SLC22A3: variants seen among roughly 807,000 people sequenced by gnomAD.
The protein encoded by SLC22A3 is EMT organic cation transporter 3.
SLC22A3 carries 51 observed loss-of-function variants against 59.1 expected under a neutral mutation model. That is an observed-to-expected ratio of 0.86 (90% CI 0.69 to 1.09). The LOEUF (loss-of-function observed/expected upper bound fraction) is 1.09. Among genes scored for constraint, SLC22A3 ranks in the 50% least tolerant of loss-of-function variants. The pLI, the probability that SLC22A3 is intolerant of heterozygous loss-of-function variation, is 0.00. For synonymous variants in SLC22A3, 325 were observed against 292.0 expected, an observed-to-expected ratio of 1.11 and a Z score of -1.15; for missense variants, 711 against 726.3, an observed-to-expected ratio of 0.98 and a Z score of 0.24.
chr6:160,394,753 G>T (rs1230049133), intron 1 of SLC22A3, among the ~76,000 whole-genome samples: 1 of 152,210 alleles, frequency 6.6e-6, no homozygotes, highest in Non-Finnish European at 1.5e-5. Flanking sequence ...AGAGGACAGG[G>T]GTCAGGAAGG....
rs148162475 is a variant in SLC22A3, at chr6:160,450,123, G to A, written c.1611-873G>A. Among the ~76,000 whole-genome samples, 46 of 152,280 alleles carry A rather than the reference G, an allele frequency of 3.0e-4. 1 individual carries two copies. Among genetic ancestry groups the A allele is most frequent in the African/African-American group, 9.6e-4 (40 of 41,544 alleles). ...GGTCTGACCTCAAATTTACCAGGGC[G>A]GGGTTTCCCAATCCTAGTAAGCCTG... On this transcript the variant is annotated intron_variant, in intron 10 of 10. Coordinates refer to ENST00000275300, the MANE Select transcript of SLC22A3 (RefSeq NM_021977.4).
chr6:160,354,337 A>G (rs1784758159), intron 1 of SLC22A3, among the ~76,000 whole-genome samples: 1 of 152,208 alleles, frequency 6.6e-6, no homozygotes, highest in South Asian at 2.1e-4. Flanking sequence ...TGCCTTAGCA[A>G]TTGGCTTGAC....
chr6:160,368,001 T>C (rs1326365057), intron 1 of SLC22A3, among the ~76,000 whole-genome samples: 1 of 152,060 alleles, frequency 6.6e-6, no homozygotes, highest in Non-Finnish European at 1.5e-5. Context: ...AGAGCACTGC[T>C]GGAGACACCA....
intron 7 of SLC22A3, among the ~76,000 whole-genome samples, chr6:160,440,492 A>C (rs567452765): frequency 6.6e-6 from 1 of 152,270 alleles, no homozygotes; most frequent in East Asian, 1.9e-4. Context: ...AGCTTGACCA[A>C]ATCCACATTC....
intron 5 of SLC22A3, among the ~76,000 whole-genome samples, chr6:160,417,672 A>G (rs1787557263): frequency 1.3e-5 from 2 of 152,208 alleles, no homozygotes; most frequent in African/African-American, 4.8e-5. Context: ...CTTTGGCCTC[A>G]TGATAGGTGC....
At chr6:160,396,021 G>A (rs759817506) in intron 1 of SLC22A3, among the ~76,000 whole-genome samples, 4 of 152,094 alleles carry the variant, frequency 2.6e-5, no homozygotes, top group Non-Finnish European at 4.4e-5. Flanking sequence ...AGGAATTGTC[G>A]GCCTGGATAA....
At chr6:160,437,314 A>G in intron 7 of SLC22A3, 103 bp downstream of exon 7, 1 of 1,182,980 alleles carries the variant, frequency 8.5e-7, no homozygotes, top group South Asian at 1.2e-5. Context: ...GTGCAATGGA[A>G]TCACAGTCTT....
chr6:160,351,195 A>C lies in SLC22A3; in HGVS notation c.429+2347A>C, dbSNP rs568861956. Reference sequence around the variant, plus strand: ...CAGTGGCGTGATCTCGGCTTACTGCAAGCTCCGCCTCCCAGGTTCCTGCCA... The same window carrying C: ...CAGTGGCGTGATCTCGGCTTACTGCCAGCTCCGCCTCCCAGGTTCCTGCCA... On this transcript the variant is annotated intron_variant, in intron 1 of 10. Transcript: ENST00000275300. Among the ~76,000 whole-genome samples, 5 of 152,264 alleles carry C rather than the reference A, an allele frequency of 3.3e-5. No individual in the cohort carries two copies. The South Asian group carries it at 1.0e-3, about 32-fold the overall frequency.
At chr6:160,361,525 G>T (rs1018961218) in intron 1 of SLC22A3, among the ~76,000 whole-genome samples, 3 of 152,148 alleles carry the variant, frequency 2.0e-5, no homozygotes, top group African/African-American at 7.2e-5. Context: ...GAAGCCAAAG[G>T]CTTCAATAAT....
At chr6:160,433,515 T>TCTACTGCTACTACTACTA (rs1554274053) in intron 5 of SLC22A3, among the ~76,000 whole-genome samples, 1 of 146,870 alleles carries the variant, frequency 6.8e-6, no homozygotes, top group African/African-American at 2.5e-5. Flanking sequence ...AGACCCTGTC[T>TCTACTGCTACTACTACTA]CTACTACTAC....
Position 160,451,647 on chromosome 6 carries a change from G to C in SLC22A3, c.*591G>C, listed in dbSNP as rs968949943. The C allele has an allele frequency of 6.5e-6, 1 of 154,550 alleles. No individual in the cohort carries two copies. Among genetic ancestry groups the C allele is most frequent in the African/African-American group, 2.4e-5 (1 of 41,474 alleles). 9.6% of individuals were successfully genotyped at this position (154,550 alleles called of 1,614,324 possible). A position where few individuals can be genotyped will look rare whatever the true frequency, so the allele number is the denominator to read the frequency against. ...ACACCTTCGCAATGTGAACAGGTCA[G>C]GAGTCCCTCCCGTCCACCTCCTCTG... On this transcript the variant is annotated 3_prime_UTR_variant, in exon 11 of 11. Coordinates refer to ENST00000275300, the MANE Select transcript of SLC22A3 (RefSeq NM_021977.4).
rs375284193 is a variant in SLC22A3, at chr6:160,447,740, G to A, written c.1532G>A (p.Gly511Asp). Residue 511 changes from glycine (G) to aspartate (D), a missense_variant, in exon 10 of 11, where the codon GGT (glycine) becomes GAT (aspartate). By Grantham distance (94) the Gly-to-Asp change is moderately conservative (BLOSUM62 -1). Transcript: ENST00000275300. ...IIFGILASIC[G>D]GLVMLLPETK... is the part of the protein sequence containing the mutation. ...ATAGGTATCCTGGCATCCATCTGTGGTGGCCTTGTGATGCTTTTGCCTGAA... is the reference window on the plus strand; with the variant it reads ...ATAGGTATCCTGGCATCCATCTGTGATGGCCTTGTGATGCTTTTGCCTGAA... 4.3e-6 allele frequency: 7 copies of A among 1,613,966 alleles called. No individual in the cohort carries two copies. Among genetic ancestry groups the A allele is most frequent in the African/African-American group, 1.3e-5 (1 of 74,908 alleles).
At chr6:160,395,113 G>A (rs969922356) in intron 1 of SLC22A3, among the ~76,000 whole-genome samples, 5 of 152,222 alleles carry the variant, frequency 3.3e-5, no homozygotes, top group East Asian at 1.9e-4. Context: ...TTGTGTTATC[G>A]CTGCACTTTA....
chr6:160,349,826 T>C (rs1784601506), intron 1 of SLC22A3, among the ~76,000 whole-genome samples: 1 of 152,208 alleles, frequency 6.6e-6, no homozygotes. Flanking sequence ...ACAGCTTAAG[T>C]TAATTTTAAA....
Position 160,437,027 on chromosome 6 carries a change from T to C in SLC22A3, c.1104T>C (p.Leu368=), listed in dbSNP as rs1788363019. ...WFTSAVVYQG[L]VMRLGIIGGN... Reference sequence around the variant, plus strand: ...CAAGCGCAGTGGTGTATCAAGGACTTGTCATGCGCCTGGGAATTATAGGGG... The same window carrying C: ...CAAGCGCAGTGGTGTATCAAGGACTCGTCATGCGCCTGGGAATTATAGGGG... Residue 368 remains leucine (L), a synonymous_variant, in exon 7 of 11, where the codon CTT becomes CTC. Coordinates refer to ENST00000275300, the MANE Select transcript of SLC22A3 (RefSeq NM_021977.4). 2 of 1,614,144 alleles carry C rather than the reference T, an allele frequency of 1.2e-6. No homozygotes were observed. Among genetic ancestry groups the C allele is most frequent in the East Asian group, 4.5e-5 (2 of 44,880 alleles).
chr6:160,358,275 T>A (rs1784905492), intron 1 of SLC22A3, among the ~76,000 whole-genome samples: 1 of 152,144 alleles, frequency 6.6e-6, no homozygotes, highest in Non-Finnish European at 1.5e-5. Context: ...TTTCCTGGTT[T>A]TAGTGGGGAG....
intron 1 of SLC22A3, among the ~76,000 whole-genome samples, chr6:160,355,550 A>G (rs1784805036): frequency 6.6e-6 from 1 of 151,816 alleles, no homozygotes. Context: ...TCACGAGGTC[A>G]GGAGATCGAG....
At chr6:160,385,255 C>T (rs1785957045) in intron 1 of SLC22A3, among the ~76,000 whole-genome samples, 1 of 152,236 alleles carries the variant, frequency 6.6e-6, no homozygotes, top group Admixed American at 6.5e-5. Flanking sequence ...CTGAGCCCTG[C>T]TGCCCTGCCT....
At chr6:160,348,924 G>A in intron 1 of SLC22A3, 76 bp downstream of exon 1, 1 of 1,532,830 alleles carries the variant, frequency 6.5e-7, no homozygotes, top group Non-Finnish European at 8.7e-7. Context: ...CCGCGTGTGA[G>A]ACGCTGGCCG....
Sources: gnomAD v4.1 joint callset for allele counts (sites outside exome capture counted in the v4.1 genomes callset) on GRCh38, gnomAD v4.1.1 for gene constraint, MANE v1.5 for transcripts, NCBI Gene and HGNC (gene_info 2026-07-23, HGNC 2026-07-21) for gene names.